Variants in PFKFB3 observed in about 807,000 individuals in gnomAD.
PFKFB3 encodes the protein 6-phosphofructo-2-kinase/fructose-2,6-bisphosphatase 3.
A neutral mutation model predicts 68.0 loss-of-function variants in PFKFB3; 33 were observed. The observed-to-expected ratio is 0.49, with a 90% CI of 0.37 to 0.65. The LOEUF (loss-of-function observed/expected upper bound fraction) is 0.65, where lower values mean the gene tolerates loss of function less well. Among genes scored for constraint, PFKFB3 ranks in the 30% least tolerant of loss-of-function variants. The probability of loss-of-function intolerance (pLI) is 0.00; values close to 1 mark genes in which losing one functional copy is unlikely to be tolerated. For missense variants in PFKFB3, 586 were observed against 712.2 expected, an observed-to-expected ratio of 0.82 and a Z score of 2.02; for synonymous variants, 315 against 288.2, an observed-to-expected ratio of 1.09 and a Z score of -0.94.
At position 6,219,442 on chromosome 10, in the gene PFKFB3, C is replaced by T. The variant is rs900639556; in HGVS notation, c.499-127C>T. 134 of 990,280 alleles carry T rather than the reference C, an allele frequency of 1.4e-4. 1 individual carries two copies. The highest frequency in any genetic ancestry group is 3.7e-4 in the Admixed American group (20 of 54,780). 61.3% of individuals were successfully genotyped at this position (990,280 alleles called of 1,614,324 possible). A position where few individuals can be genotyped will look rare whatever the true frequency, so the allele number is the denominator to read the frequency against. Reference sequence around the variant, plus strand: ...AGCATCTTTCTCCCTTTCTCTTACACGCTGGGCCGGATAATCTTTATACTG... The same window carrying T: ...AGCATCTTTCTCCCTTTCTCTTACATGCTGGGCCGGATAATCTTTATACTG... On this transcript the variant is annotated intron_variant, in intron 6 of 14. Transcript: ENST00000379775.
chr10:6,180,384 A>T (rs1389188035), intron 1 of PFKFB3, among the ~76,000 whole-genome samples: 2 of 152,222 alleles, frequency 1.3e-5, no homozygotes, highest in Non-Finnish European at 2.9e-5. Flanking sequence ...GAAAGAAATC[A>T]TTCATAATTA....
chr10:6,172,863 C>A (rs975017647), intron 1 of PFKFB3, among the ~76,000 whole-genome samples: 1 of 152,024 alleles, frequency 6.6e-6, no homozygotes. Context: ...ACAACTTGTC[C>A]AGGGAGGGCA....
chr10:6,175,671 C>CA (rs35962554), intron 1 of PFKFB3, among the ~76,000 whole-genome samples: 1 of 152,040 alleles, frequency 6.6e-6, no homozygotes, highest in Non-Finnish European at 1.5e-5. Flanking sequence ...CCAAGTAAGC[C>CA]AAAAAAAGCT....
intron 1 of PFKFB3, among the ~76,000 whole-genome samples, chr10:6,156,652 TA>T (rs1487132569): frequency 1.7e-4 from 25 of 148,622 alleles, no homozygotes; most frequent in Non-Finnish European, 3.3e-4. Context: ...CATGCCCGGC[TA>T]ATTTTTGTAT....
rs535210931 is a variant in PFKFB3 at position 6,233,691 on chromosome 10, C to G, written c.*749C>G. 6.5e-6 allele frequency: 1 copy of G among 152,988 alleles called. No individual in the cohort carries two copies. Among genetic ancestry groups the G allele is most frequent in the Admixed American group, 6.5e-5 (1 of 15,314 alleles). 9.5% of individuals were successfully genotyped at this position (152,988 alleles called of 1,614,324 possible). A position where few individuals can be genotyped will look rare whatever the true frequency, so the allele number is the denominator to read the frequency against. On this transcript the variant is annotated 3_prime_UTR_variant, in exon 15 of 15. Transcript: ENST00000379775. ...TCCCAGGGAGCTCCAGGGCCCCTCT[C>G]TCCTCCCACCTGGACTTGGGGGGAA...
chr10:6,221,577 C>T (rs750783101), intron 9 of PFKFB3, 50 bp downstream of exon 9: 78 of 1,611,538 alleles, frequency 4.8e-5, no homozygotes, highest in Non-Finnish European at 6.2e-5. Context: ...CATGGGGCGG[C>T]TTCCCAAGAG....
intron 1 of PFKFB3, among the ~76,000 whole-genome samples, chr10:6,174,952 A>G (rs548706253): frequency 1.3e-5 from 2 of 151,622 alleles, no homozygotes; most frequent in South Asian, 2.1e-4. Flanking sequence ...AGTAGCTGAG[A>G]TTACACCTGC....
At chr10:6,204,040 G>A (rs887159617) in intron 1 of PFKFB3, among the ~76,000 whole-genome samples, 2 of 152,192 alleles carry the variant, frequency 1.3e-5, no homozygotes, top group East Asian at 3.9e-4. Context: ...TGAGTGCACG[G>A]TTGGCGCTGC....
intron 1 of PFKFB3, among the ~76,000 whole-genome samples, chr10:6,212,174 C>A (rs1844272797): frequency 1.3e-5 from 2 of 152,282 alleles, no homozygotes; most frequent in Non-Finnish European, 2.9e-5. Context: ...GCAGTGAGTG[C>A]TGGGCCGTGC....
At chr10:6,326,194 A>G in the PFKFB3 span, among the ~76,000 whole-genome samples, 6 of 152,184 alleles carry the variant, frequency 3.9e-5, no homozygotes, top group Non-Finnish European at 8.8e-5. Context: ...CAGAAAACCA[A>G]ACACTGCATG....
the PFKFB3 span, among the ~76,000 whole-genome samples, chr10:6,320,587 T>C: frequency 1.3e-5 from 2 of 152,116 alleles, no homozygotes; most frequent in Middle Eastern, 3.2e-3. Context: ...CATGCCTGGC[T>C]AATTTTTACA....
chr10:6,220,734 C>T lies in PFKFB3; in HGVS notation c.700C>T (p.Arg234Cys), dbSNP rs753664642. The change falls in exon 8 of 15, where the codon CGC (arginine) becomes TGC (cysteine). Residue 234 changes from arginine to cysteine, a missense_variant. Arg to Cys is a radical substitution (Grantham distance 180). Coordinates refer to ENST00000379775, the MANE Select transcript of PFKFB3 (RefSeq NM_004566.4). The surrounding 1 kb of genome is among the most constrained non-coding windows in gnomAD (Gnocchi z 4.1). ...VNRVQDHIQS[R>C]IVYYLMNIHV... ...CCGGGTGCAGGACCACATCCAGAGC[C>T]GCATCGTGTACTACCTGATGAACAT... The T allele has an allele frequency of 6.2e-6, 10 of 1,614,008 alleles. No homozygotes were observed. The highest frequency in any genetic ancestry group is 2.2e-5 in the South Asian group (2 of 91,082).
At chr10:6,259,617 T>TCCATCCAC (rs1564239602), downstream of PFKFB3, among the ~76,000 whole-genome samples, 10 of 151,268 alleles carry the variant, frequency 6.6e-5, no homozygotes, top group African/African-American at 2.4e-4. Context: ...CATCCATCCA[T>TCCATCCAC]CCACCCATCC....
At chr10:6,155,099 T>G (rs149813559) in intron 1 of PFKFB3, among the ~76,000 whole-genome samples, 1 of 152,200 alleles carries the variant, frequency 6.6e-6, no homozygotes, top group Non-Finnish European at 1.5e-5. Flanking sequence ...TGGGGGCTGA[T>G]GCTTACTGCC....
intron 1 of PFKFB3, among the ~76,000 whole-genome samples, chr10:6,176,403 C>T (rs79538542): frequency 0.01 from 1,558 of 152,242 alleles, 62 homozygotes; most frequent in East Asian, 0.088. Context: ...CTATACTTCT[C>T]ATTTACCTGT....
In PFKFB3 at chr10:6,179,526, GC is replaced by G. The variant is rs137907418; in HGVS notation, c.17-34091del. Reference sequence around the variant, plus strand: ...GATCACTCAGGCGTTTCCCTAGCGAGCCCCCCGGGAATGAACAGAAGGGTTT... The same window carrying G: ...GATCACTCAGGCGTTTCCCTAGCGAGCCCCCGGGAATGAACAGAAGGGTTT... On this transcript the variant is annotated intron_variant, in intron 1 of 14. Transcript: ENST00000379789. Among the ~76,000 whole-genome samples, 139 of 152,288 alleles carry G rather than the reference GC, an allele frequency of 9.1e-4. 1 individual carries two copies. Among genetic ancestry groups the G allele is most frequent in the East Asian group, 3.3e-3 (17 of 5,190 alleles).
chr10:6,228,162 C>T lies in PFKFB3; in HGVS notation c.1515+1797C>T. ...GTCCCTGCAGATTGCGCCCTGCCTC[C>T]TGACTGACTTCTCTCTCTGCTTCTC... On this transcript the variant is annotated intron_variant, in intron 14 of 14. Transcript: ENST00000379775. The surrounding 1 kb of genome is among the most constrained non-coding windows in gnomAD (Gnocchi z 4.5). 3.1e-6 allele frequency: 5 copies of T among 1,612,682 alleles called. No individual in the cohort carries two copies. The highest frequency in any genetic ancestry group is 4.2e-6 in the Non-Finnish European group (5 of 1,179,784).
Position 6,228,837 on chromosome 10 carries a change from G to A in PFKFB3, c.1515+2472G>A, listed in dbSNP as rs984763570. The stretch of plus-strand genomic sequence containing the variant: ...GCGTCATAGTCACGCCCGGGGCTGG[G>A]TGCAGCCTCCATCTCTAACCCATGT... On this transcript the variant is annotated intron_variant, in intron 14 of 14. Transcript: ENST00000379775. The surrounding 1 kb of genome is among the most constrained non-coding windows in gnomAD (Gnocchi z 4.5). Among the ~76,000 whole-genome samples the A allele has an allele frequency of 1.3e-5, 2 of 152,136 alleles. No homozygotes were observed. Among genetic ancestry groups the A allele is most frequent in the Admixed American group, 1.3e-4 (2 of 15,274 alleles).
In PFKFB3 at chr10:6,154,248, A is replaced by AT. The variant is rs540805975; in HGVS notation, c.16+9250dup. Among the ~76,000 whole-genome samples the AT allele has an allele frequency of 0.2, 28,762 of 142,182 alleles. 3,124 individuals carry two copies. The highest frequency in any genetic ancestry group is 0.29 in the South Asian group (1,269 of 4,392). 93.3% of individuals were successfully genotyped at this position (142,182 alleles called of 152,430 possible). Reference sequence around the variant, plus strand: ...TTTGGTGGAGGTGTGGGCTGAATTAATTTTTTTTTTTTTTTGAGGCAGGGT... The same window carrying AT: ...TTTGGTGGAGGTGTGGGCTGAATTAATTTTTTTTTTTTTTTTGAGGCAGGGT... On this transcript the variant is annotated intron_variant, in intron 1 of 14. Coordinates refer to the PFKFB3 transcript ENST00000379789. This position sits in a 1 kb window ranked among gnomAD's most constrained non-coding sequence, Gnocchi z 4.6.
Sources: gnomAD v4.1 joint callset for allele counts (sites outside exome capture counted in the v4.1 genomes callset) on GRCh38, gnomAD v4.1.1 for gene constraint, Gnocchi (gnomAD v3.1) non-coding constraint, MANE v1.5 for transcripts, NCBI Gene and HGNC (gene_info 2026-07-23, HGNC 2026-07-21) for gene names.